NMD3: variants seen among roughly 807,000 people sequenced by gnomAD.
The protein encoded by NMD3 is 60S ribosomal export protein NMD3.
A neutral mutation model predicts 73.1 loss-of-function variants in NMD3; 47 were observed. The observed-to-expected ratio is 0.64, with a 90% CI of 0.51 to 0.82. The LOEUF is 0.82. Among genes scored for constraint, NMD3 ranks in the 40% least tolerant of loss-of-function variants. The probability of loss-of-function intolerance (pLI) is 0.00; values close to 1 mark genes in which losing one functional copy is unlikely to be tolerated. For synonymous variants in NMD3, 210 were observed against 194.5 expected (o/e 1.08, Z -0.66); for missense variants, 554 against 612.5 (o/e 0.90, Z 1.01).
rs1330116382 is a variant in NMD3 at position 161,251,598 on chromosome 3, T to C, written c.*688T>C. On this transcript the variant is annotated 3_prime_UTR_variant, in exon 16 of 16. Transcript: ENST00000351193. ...AAAGGTTAAATAACAATTTGTTCTT[T>C]TGTTGTTTTTGCCAGTTTAGGGCAG... The C allele has an allele frequency of 6.6e-6, 1 of 152,224 alleles. No individual in the cohort carries two copies. Among genetic ancestry groups the C allele is most frequent in the Non-Finnish European group, 1.5e-5 (1 of 68,038 alleles). The allele number at this position is 152,224 out of a possible 1,614,324, so 9.4% of individuals were successfully genotyped here. A position where few individuals can be genotyped will look rare whatever the true frequency, so the allele number is the denominator to read the frequency against.
intron 3 of NMD3, among the ~76,000 whole-genome samples, 185 bp from the exon 4 acceptor site, chr3:161,227,061 TA>T (rs1736346581): frequency 6.6e-6 from 1 of 152,222 alleles, no homozygotes; most frequent in African/African-American, 2.4e-5. Context: ...TTTACCTTTT[TA>T]ATTAAAGCTG....
chr3:161,251,493 GTTATC>G lies in NMD3; in HGVS notation c.*587_*591del, dbSNP rs1737486460. ...CTCTTCAAAAGCCGTTAAACAGAGAGTTATCTTAATTTTTATTGCAGTAGGAGGAA... is the reference window on the plus strand; with the variant it reads ...CTCTTCAAAAGCCGTTAAACAGAGAGTTAATTTTTATTGCAGTAGGAGGAA... On this transcript the variant is annotated 3_prime_UTR_variant, in exon 16 of 16. Coordinates refer to ENST00000351193, the MANE Select transcript of NMD3 (RefSeq NM_015938.5). The G allele has an allele frequency of 6.6e-6, 1 of 152,008 alleles. No individual in the cohort carries two copies. Among genetic ancestry groups the G allele is most frequent in the Admixed American group, 6.6e-5 (1 of 15,260 alleles). The allele number at this position is 152,008 out of a possible 1,614,324, so 9.4% of individuals were successfully genotyped here.
At chr3:161,228,072 T>A (rs919127037) in intron 4 of NMD3, among the ~76,000 whole-genome samples, 1 of 151,434 alleles carries the variant, frequency 6.6e-6, no homozygotes, top group Admixed American at 6.6e-5. Context: ...TTAAAAAAAA[T>A]AGTTTGTTTA....
chr3:161,247,395 A>G (rs1475539070), intron 13 of NMD3, 65 bp downstream of exon 13: 1 of 906,518 alleles, frequency 1.1e-6, no homozygotes, highest in African/African-American at 1.7e-5. Flanking sequence ...CTTAGGGGTA[A>G]GAGGTAGGAG....
intron 9 of NMD3, among the ~76,000 whole-genome samples, chr3:161,239,048 A>G (rs1736873541): frequency 6.6e-6 from 1 of 152,196 alleles, no homozygotes; most frequent in Non-Finnish European, 1.5e-5. Context: ...TTGGTGTATT[A>G]AAATGAAAAG....
rs1233141271 is a variant in NMD3 at position 161,224,930 on chromosome 3, C to T, written c.45C>T (p.Ile15=). Residue 15 remains isoleucine (I), a splice_region_variant and synonymous_variant, in exon 3 of 16, where the codon ATC becomes ATT. Transcript: ENST00000351193. ...AAAATTTATCCTTTATTTATTAAAG[C>T]TTGTGCTGTGAGTGTGGTGTTCCGA... ...AESTDRSPGH[I]LCCECGVPIS... The T allele has an allele frequency of 6.3e-7, 1 of 1,598,966 alleles. No homozygotes were observed. Among genetic ancestry groups the T allele is most frequent in the Non-Finnish European group, 8.5e-7 (1 of 1,175,380 alleles).
chr3:161,242,431 T>C (rs1302870160), intron 10 of NMD3, 77 bp from the exon 11 acceptor site: 1 of 1,376,466 alleles, frequency 7.3e-7, no homozygotes, highest in East Asian at 2.5e-5. Flanking sequence ...TATCTACCAG[T>C]TTATTCTTAG....
At chr3:161,236,805 ACT>A (rs1330494518) in intron 7 of NMD3, among the ~76,000 whole-genome samples, 3 of 151,604 alleles carry the variant, frequency 2.0e-5, no homozygotes, top group African/African-American at 7.3e-5. Context: ...CCCAGTGAAA[ACT>A]CTGTCCTTTC....
At chr3:161,241,239 T>A in intron 10 of NMD3, 76 bp downstream of exon 10, 1 of 886,176 alleles carries the variant, frequency 1.1e-6, no homozygotes, top group East Asian at 2.5e-5. Flanking sequence ...TGTTAATTTT[T>A]CAAGCATTCT....
chr3:161,238,665 A>C, intron 8 of NMD3, 65 bp from the exon 9 acceptor site: 1 of 791,204 alleles, frequency 1.3e-6, no homozygotes, highest in South Asian at 1.5e-5. Context: ...GAAAATTGAT[A>C]TTCCTGAGTC....
rs1736712397 is a variant in NMD3 at position 161,235,221 on chromosome 3, A to C, written c.577+9A>C. Reference sequence around the variant, plus strand: ...TATCAAAGAGATTCATGGTGAGTTAAAACTCAAAAGCATTTGAAATTATGT... The same window carrying C: ...TATCAAAGAGATTCATGGTGAGTTACAACTCAAAAGCATTTGAAATTATGT... On this transcript the variant is annotated intron_variant, in intron 7 of 15. Transcript: ENST00000351193. 7.4e-7 allele frequency: 1 copy of C among 1,343,298 alleles called. No individual in the cohort carries two copies. The highest frequency in any genetic ancestry group is 1.5e-5 in the African/African-American group (1 of 68,090). The allele number at this position is 1,343,298 out of a possible 1,614,324, so 83.2% of individuals were successfully genotyped here. A position where few individuals can be genotyped will look rare whatever the true frequency, so the allele number is the denominator to read the frequency against.
intron 11 of NMD3, among the ~76,000 whole-genome samples, chr3:161,245,322 T>G (rs4597724): frequency 6.6e-6 from 1 of 151,776 alleles, no homozygotes; most frequent in East Asian, 1.9e-4. Context: ...ATCATTTCCC[T>G]TCAGGCAGAT....
At chr3:161,239,837 T>C (rs1284322011) in intron 9 of NMD3, among the ~76,000 whole-genome samples, 1 of 152,242 alleles carries the variant, frequency 6.6e-6, no homozygotes, top group East Asian at 1.9e-4. Flanking sequence ...TACTCAGCTT[T>C]GCTGTTGTAC....
At chr3:161,246,190 AGT>A (rs1270503913) in intron 11 of NMD3, 144 bp from the exon 12 acceptor site, 4 of 392,054 alleles carry the variant, frequency 1.0e-5, no homozygotes, top group African/African-American at 2.1e-5. Flanking sequence ...TAATTTTGAC[AGT>A]GTTTCATACA....
intron 3 of NMD3, among the ~76,000 whole-genome samples, chr3:161,226,716 T>G (rs1056385563): frequency 6.6e-6 from 1 of 152,230 alleles, no homozygotes; most frequent in Non-Finnish European, 1.5e-5. Flanking sequence ...GTAAGAGATT[T>G]AAGTTTTGTT....
chr3:161,249,663 A>C (rs1356371742), intron 14 of NMD3, 103 bp downstream of exon 14: 1 of 747,706 alleles, frequency 1.3e-6, no homozygotes, highest in Non-Finnish European at 2.4e-6. Flanking sequence ...TGATCCTTGC[A>C]CTCAATTATA....
At chr3:161,229,810 T>C (rs1736464163) in intron 4 of NMD3, among the ~76,000 whole-genome samples, 1 of 151,648 alleles carries the variant, frequency 6.6e-6, no homozygotes, top group Non-Finnish European at 1.5e-5. Flanking sequence ...GAAAACAGGG[T>C]GAGTGTGATG....
At chr3:161,226,701 C>T (rs1337399124) in intron 3 of NMD3, among the ~76,000 whole-genome samples, 5 of 152,176 alleles carry the variant, frequency 3.3e-5, no homozygotes, top group Non-Finnish European at 1.5e-5. Context: ...CCTTAAAGCA[C>T]ATATGTAAGA....
intron 7 of NMD3, 63 bp downstream of exon 7, chr3:161,235,275 A>G (rs1436810122): frequency 5.2e-6 from 4 of 768,168 alleles, no homozygotes; most frequent in African/African-American, 3.5e-5. Context: ...TACCTAAGTA[A>G]TCTTATATTT....
Sources: allele counts gnomAD v4.1 joint callset (sites outside exome capture counted in the v4.1 genomes callset), GRCh38; gene constraint gnomAD v4.1.1; transcripts MANE v1.5; gene names NCBI Gene and HGNC (gene_info 2026-07-23, HGNC 2026-07-21).